Variants in CACNG6 observed in about 807,000 individuals in gnomAD.
CACNG6 encodes the protein voltage-dependent calcium channel gamma-6 subunit.
Under a neutral mutation model 23.9 loss-of-function variants are expected in CACNG6, and 21 were observed. The observed-to-expected ratio is 0.88, with a 90% CI of 0.62 to 1.26. The LOEUF (loss-of-function observed/expected upper bound fraction) is 1.26. CACNG6 is among the 50% of genes most tolerant of loss of function. CACNG6 has a pLI of 0.00. For missense variants in CACNG6, 340 were observed against 352.9 expected (o/e 0.96, Z 0.29); for synonymous variants, 182 against 168.9 (o/e 1.08, Z -0.60).
intron 3 of CACNG6, among the ~76,000 whole-genome samples, chr19:54,009,557 A>G (rs143788547): frequency 2.6e-5 from 4 of 152,170 alleles, no homozygotes; most frequent in African/African-American, 9.6e-5. Flanking sequence ...CGGAAGCTGC[A>G]ATGAGCTGAG....
intron 3 of CACNG6, among the ~76,000 whole-genome samples, chr19:54,008,244 T>C (rs1309661563): frequency 6.6e-6 from 1 of 152,014 alleles, no homozygotes; most frequent in Admixed American, 6.6e-5. Context: ...TCCCAGCTAC[T>C]CAAGAGGCTG....
chr19:54,006,517 CTTTTCTTTTTT>C (rs1315407149), intron 3 of CACNG6, among the ~76,000 whole-genome samples: 2 of 107,330 alleles, frequency 1.9e-5, no homozygotes, highest in African/African-American at 7.5e-5. Flanking sequence ...TTCCTTCTTT[CTTTTCTTTTTT>C]TTTTTTTTTT....
rs1003841904 is a variant in CACNG6, at chr19:53,996,322, C to T, written c.332-1917C>T. 2.6e-5 allele frequency among the ~76,000 whole-genome samples: 4 copies of T among 151,540 alleles called. No homozygotes were observed. In the East Asian group the frequency reaches 7.8e-4, roughly 29 times the overall value. ...ATGCACTTCAGAAAGTGCTCCCCTC[C>T]CTTCCTTCATTTCTCCTTCCTTCTC... On this transcript the variant is annotated intron_variant, in intron 1 of 3. Coordinates refer to ENST00000252729, the MANE Select transcript of CACNG6 (RefSeq NM_145814.2).
rs780420395 is a variant in CACNG6, at chr19:54,012,036, C to T, written c.630C>T (p.Ala210=). The change falls in exon 4 of 4, where the codon GCC becomes GCT. Residue 210 remains alanine, a synonymous_variant. Coordinates refer to ENST00000252729, the MANE Select transcript of CACNG6 (RefSeq NM_145814.2). Reference sequence around the variant, plus strand: ...GAGTCAGCCCGGAGCCTCCCCCGGCCCCACGCCTCACCTACGAGTACTCCT... The same window carrying T: ...GAGTCAGCCCGGAGCCTCCCCCGGCTCCACGCCTCACCTACGAGTACTCCT... ...LQRVSPEPPP[A]PRLTYEYSWS... is the part of the protein sequence containing the mutation. 10 of 1,606,210 alleles carry T rather than the reference C, an allele frequency of 6.2e-6. No homozygotes were observed. In the South Asian group the frequency reaches 1.0e-4, roughly 16 times the overall value.
In CACNG6 at chr19:54,012,029, C is replaced by T. The variant is rs767495494; in HGVS notation, c.623C>T (p.Pro208Leu). The T allele has an allele frequency of 1.9e-6, 3 of 1,606,226 alleles. No individual in the cohort carries two copies. The highest frequency in any genetic ancestry group is 2.3e-5 in the East Asian group (1 of 43,702). ...CTGCAGAGAGTCAGCCCGGAGCCTC[C>T]CCCGGCCCCACGCCTCACCTACGAG... The part of the protein sequence containing the change: ...ALLQRVSPEP[P>L]PAPRLTYEYS... The change falls in exon 4 of 4, where the codon CCC (proline) becomes CTC (leucine). Residue 208 changes from proline to leucine, a missense_variant. Physicochemically the swap from Pro to Leu is moderately conservative, Grantham distance 98. Transcript: ENST00000252729.
rs1440209352 is a variant in CACNG6, at chr19:53,999,693, T to A, written c.466T>A (p.Cys156Ser). ...VLGLAVMALG[C>S]LCIIMVLSKG... ...GGGCCTGGCAGTCATGGCCTTGGGG[T>A]GCCTCTGTATCATCATGGTGCTCAG... Residue 156 changes from cysteine to serine, a missense_variant, in exon 3 of 4, where the codon TGC (cysteine) becomes AGC (serine). Cys to Ser is a moderately radical substitution (Grantham distance 112). Coordinates refer to ENST00000252729, the MANE Select transcript of CACNG6 (RefSeq NM_145814.2). 1 of 1,614,022 alleles carries A rather than the reference T, an allele frequency of 6.2e-7. No homozygotes were observed. Among genetic ancestry groups the A allele is most frequent in the East Asian group, 2.2e-5 (1 of 44,872 alleles).
chr19:54,005,215 A>AAATG (rs1277647026), intron 3 of CACNG6, among the ~76,000 whole-genome samples: 7 of 88,748 alleles, frequency 7.9e-5, no homozygotes, highest in Non-Finnish European at 1.2e-4. Context: ...TCTCAAAAAT[A>AAATG]AATAAATAAA....
At chr19:54,004,644 G>C (rs1043291406) in intron 3 of CACNG6, among the ~76,000 whole-genome samples, 1 of 152,094 alleles carries the variant, frequency 6.6e-6, no homozygotes, top group East Asian at 1.9e-4. Context: ...GGCGCCCTGC[G>C]ACTCCCTCTC....
chr19:54,007,225 T>C (rs1235950011), intron 3 of CACNG6, among the ~76,000 whole-genome samples: 1 of 152,122 alleles, frequency 6.6e-6, no homozygotes, highest in Non-Finnish European at 1.5e-5. Flanking sequence ...ACTTTTGTAT[T>C]TTTAGTAGGG....
chr19:54,009,710 G>T (rs573990815), intron 3 of CACNG6, among the ~76,000 whole-genome samples: 1 of 151,606 alleles, frequency 6.6e-6, no homozygotes, highest in Non-Finnish European at 1.5e-5. Flanking sequence ...CTATCTCCAA[G>T]TAATATATAA....
At chr19:54,005,115 G>C (rs1568816709) in intron 3 of CACNG6, among the ~76,000 whole-genome samples, 1 of 151,254 alleles carries the variant, frequency 6.6e-6, no homozygotes, top group South Asian at 2.1e-4. Context: ...AGGCTGAGGC[G>C]GGAGAATCGC....
At chr19:54,010,914 G>A (rs1433345610) in intron 3 of CACNG6, among the ~76,000 whole-genome samples, 1 of 139,362 alleles carries the variant, frequency 7.2e-6, no homozygotes, top group East Asian at 2.2e-4. Flanking sequence ...TGTAGTACTT[G>A]TACATATCTG....
At chr19:53,995,355 A>G (rs1477892824) in intron 1 of CACNG6, among the ~76,000 whole-genome samples, 2 of 152,126 alleles carry the variant, frequency 1.3e-5, no homozygotes, top group Non-Finnish European at 2.9e-5. Context: ...ACATCTCTCA[A>G]TCTTCATTAT....
chr19:53,991,605 G>C (rs1340033929), upstream of CACNG6, among the ~76,000 whole-genome samples: 1 of 145,770 alleles, frequency 6.9e-6, no homozygotes, highest in Non-Finnish European at 1.5e-5. Context: ...GGGGTGGGCG[G>C]GTGGGGACGA....
chr19:54,011,831 G>A, intron 3 of CACNG6, 120 bp from the exon 4 acceptor site: 1 of 486,700 alleles, frequency 2.1e-6, no homozygotes, highest in African/African-American at 2.3e-5. Flanking sequence ...GTAAGTATTT[G>A]TTGAGTGCAC....
chr19:54,007,801 CAGG>C (rs1355415906), intron 3 of CACNG6, among the ~76,000 whole-genome samples: 1 of 151,610 alleles, frequency 6.6e-6, no homozygotes, highest in East Asian at 2.0e-4. Context: ...GAGGCTGAGG[CAGG>C]AGGAGGGCTT....
At chr19:54,004,694 G>A (rs2076847614) in intron 3 of CACNG6, among the ~76,000 whole-genome samples, 1 of 152,100 alleles carries the variant, frequency 6.6e-6, no homozygotes, top group African/African-American at 2.4e-5. Context: ...GCCAGCCTCT[G>A]CTGTTCCCCA....
intron 3 of CACNG6, among the ~76,000 whole-genome samples, chr19:54,004,165 CT>C (rs907068327): frequency 6.4e-4 from 93 of 146,282 alleles, no homozygotes; most frequent in Middle Eastern, 3.5e-3. Flanking sequence ...CCAAGTGATA[CT>C]TTTTTTTTTT....
intron 3 of CACNG6, among the ~76,000 whole-genome samples, chr19:54,008,666 C>T (rs757740534): frequency 1.2e-4 from 19 of 152,236 alleles, no homozygotes; most frequent in Admixed American, 2.6e-4. Flanking sequence ...TCAGCACCTC[C>T]TTCTGCTCGG....
Sources: gnomAD v4.1 joint callset for allele counts (sites outside exome capture counted in the v4.1 genomes callset) on GRCh38, gnomAD v4.1.1 for gene constraint, MANE v1.5 for transcripts, NCBI Gene and HGNC (gene_info 2026-07-23, HGNC 2026-07-21) for gene names.